Variants in EPM2A observed in about 807,000 individuals in gnomAD.
The protein encoded by EPM2A is laforin.
Under a neutral mutation model 26.5 loss-of-function variants are expected in EPM2A, and 21 were observed. The ratio of observed to expected loss-of-function variants is 0.79; its 90% CI spans 0.56 to 1.14. The LOEUF (loss-of-function observed/expected upper bound fraction) is 1.14, where lower values mean the gene tolerates loss of function less well. Among genes scored for constraint, EPM2A ranks in the 50% most tolerant of loss-of-function variants. The pLI is 0.00. For synonymous variants in EPM2A, 217 were observed against 177.6 expected (o/e 1.22, Z -1.76); for missense variants, 458 against 440.8 (o/e 1.04, Z -0.35).
downstream of EPM2A, among the ~76,000 whole-genome samples, chr6:145,624,547 T>C (rs553056551): frequency 6.6e-6 from 1 of 152,310 alleles, no homozygotes; most frequent in African/African-American, 2.4e-5. Context: ...TGGTCCCAGT[T>C]ACAACTCTTT....
intron 1 of EPM2A, among the ~76,000 whole-genome samples, chr6:145,716,661 T>C (rs553363740): frequency 6.6e-6 from 1 of 152,060 alleles, no homozygotes; most frequent in South Asian, 2.1e-4. Flanking sequence ...TCACTCAGGA[T>C]TCCTTCACCC....
chr6:145,681,886 G>C (rs1250142728), intron 2 of EPM2A, among the ~76,000 whole-genome samples: 1 of 152,028 alleles, frequency 6.6e-6, no homozygotes. Context: ...AGCATTCCCA[G>C]TAAAGTCCTA....
At chr6:145,534,085 C>T (rs924413653) in intron 2 of EPM2A, among the ~76,000 whole-genome samples, 3 of 120,100 alleles carry the variant, frequency 2.5e-5, no homozygotes, top group Admixed American at 8.0e-5. Context: ...CTCTTTATTC[C>T]AATAATAAAT....
intron 4 of EPM2A, among the ~76,000 whole-genome samples, chr6:145,388,290 G>C (rs527430759): frequency 6.6e-6 from 1 of 152,206 alleles, no homozygotes; most frequent in Admixed American, 6.5e-5. Flanking sequence ...AGTTCTTTTA[G>C]AACGGCCCTC....
At chr6:145,678,934 T>C (rs888840043) in intron 2 of EPM2A, among the ~76,000 whole-genome samples, 4 of 152,112 alleles carry the variant, frequency 2.6e-5, no homozygotes, top group Non-Finnish European at 5.9e-5. Flanking sequence ...CATGCTACTA[T>C]AAAGACACAT....
At chr6:145,404,923 C>A (rs1252573582) in intron 4 of EPM2A, among the ~76,000 whole-genome samples, 1 of 152,034 alleles carries the variant, frequency 6.6e-6, no homozygotes, top group Non-Finnish European at 1.5e-5. Flanking sequence ...GCAAATTGAT[C>A]TTTTTCTTTC....
intron 2 of EPM2A, among the ~76,000 whole-genome samples, chr6:145,507,790 C>T (rs530364968): frequency 6.6e-6 from 1 of 152,228 alleles, no homozygotes; most frequent in African/African-American, 2.4e-5. Context: ...TCTCTCTCAC[C>T]ACAAGACCAG....
At chr6:145,478,163 C>T (rs1582786505) in intron 4 of EPM2A, among the ~76,000 whole-genome samples, 1 of 151,786 alleles carries the variant, frequency 6.6e-6, no homozygotes, top group East Asian at 1.9e-4. Flanking sequence ...AAATCCAAAA[C>T]AGTAATCCCA....
chr6:145,531,007 T>C (rs1780347481), intron 2 of EPM2A, among the ~76,000 whole-genome samples: 1 of 152,204 alleles, frequency 6.6e-6, no homozygotes, highest in South Asian at 2.1e-4. Context: ...ATTGCTCATT[T>C]CTTTCTCTCC....
rs980995040 is a variant in EPM2A at position 145,662,722 on chromosome 6, G to A, written c.476+23400C>T. On this transcript the variant is annotated intron_variant, in intron 2 of 3. Transcript: ENST00000367519. The stretch of plus-strand genomic sequence containing the variant: ...GATTCTCACTAAAGTCATGTCAGGG[G>A]GATCAGATATCAGTTGAGGATAATG... Among the ~76,000 whole-genome samples, 3 of 152,104 alleles carry A rather than the reference G, an allele frequency of 2.0e-5. No individual in the cohort carries two copies. The East Asian group carries it at 5.8e-4, about 29-fold the overall frequency.
intron 4 of EPM2A, among the ~76,000 whole-genome samples, chr6:145,449,962 A>G (rs925941194): frequency 1.3e-5 from 2 of 152,148 alleles, no homozygotes; most frequent in African/African-American, 2.4e-5. Flanking sequence ...AGTAATAAAG[A>G]AAATGCAAAT....
At chr6:145,502,641 T>C (rs1779908228) in intron 2 of EPM2A, 1 of 469,146 alleles carries the variant, frequency 2.1e-6, no homozygotes, top group Non-Finnish European at 4.4e-6. Context: ...TTGCTCAAGA[T>C]GTTGTTATTC....
chr6:145,704,623 G>C (rs779993860), intron 1 of EPM2A, among the ~76,000 whole-genome samples: 11 of 152,162 alleles, frequency 7.2e-5, no homozygotes, highest in Non-Finnish European at 1.3e-4. Context: ...GAAGCCCAAG[G>C]CTGCTGGCTC....
At chr6:145,651,817 T>A (rs890766015) in intron 2 of EPM2A, among the ~76,000 whole-genome samples, 11 of 152,132 alleles carry the variant, frequency 7.2e-5, no homozygotes, top group African/African-American at 2.4e-4. Context: ...AGGAAAAATA[T>A]TTCATAGTTT....
chr6:145,656,952 T>G (rs1289085539), intron 2 of EPM2A, among the ~76,000 whole-genome samples: 7 of 152,192 alleles, frequency 4.6e-5, no homozygotes, highest in Non-Finnish European at 7.4e-5. Flanking sequence ...AAAGAAAAGC[T>G]AGAAATTTTT....
chr6:145,426,767 G>A (rs1778859211), intron 4 of EPM2A, among the ~76,000 whole-genome samples: 1 of 151,944 alleles, frequency 6.6e-6, no homozygotes, highest in Non-Finnish European at 1.5e-5. Flanking sequence ...TTTTACATGT[G>A]GCTTTTCCAT....
At chr6:145,533,507 A>G (rs1780390255) in intron 2 of EPM2A, among the ~76,000 whole-genome samples, 1 of 152,120 alleles carries the variant, frequency 6.6e-6, no homozygotes, top group Non-Finnish European at 1.5e-5. Context: ...AAAAATCCCT[A>G]TGCTATCTGG....
intron 2 of EPM2A, among the ~76,000 whole-genome samples, chr6:145,509,630 C>A (rs1290843298): frequency 6.6e-6 from 1 of 152,086 alleles, no homozygotes; most frequent in Non-Finnish European, 1.5e-5. Context: ...ACCACGAAAG[C>A]ACACAGAAGC....
chr6:145,577,901 T>C (rs1036636028), intron 2 of EPM2A, among the ~76,000 whole-genome samples: 7 of 152,092 alleles, frequency 4.6e-5, no homozygotes, highest in African/African-American at 1.7e-4. Flanking sequence ...AAGAGGAACT[T>C]TGGAAACTAT....
Sources: allele counts gnomAD v4.1 joint callset (sites outside exome capture counted in the v4.1 genomes callset), GRCh38; gene constraint gnomAD v4.1.1; transcripts MANE v1.5; gene names NCBI Gene and HGNC (gene_info 2026-07-23, HGNC 2026-07-21).